The following SCLT1 variants were observed in gnomAD, a reference collection of about 807,000 sequenced individuals.
SCLT1 encodes the protein sodium channel-associated protein 1.
Under a neutral mutation model 112.8 loss-of-function variants are expected in SCLT1, and 78 were observed. That is an observed-to-expected ratio of 0.69 (90% CI 0.58 to 0.83). The LOEUF is 0.83. SCLT1 is among the 40% of genes least tolerant of loss of function. SCLT1 has a pLI of 0.00. For synonymous variants in SCLT1, 257 were observed against 254.7 expected (o/e 1.01, Z -0.09); for missense variants, 747 against 770.4 (o/e 0.97, Z 0.36).
rs537851601 is a variant in SCLT1, at chr4:129,015,347, A to T, written c.291-11471T>A. Among the ~76,000 whole-genome samples, 23 of 152,252 alleles carry T rather than the reference A, an allele frequency of 1.5e-4. No homozygotes were observed. In the East Asian group the frequency reaches 4.3e-3, roughly 28 times the overall value. On this transcript the variant is annotated intron_variant, in intron 5 of 20. Transcript: ENST00000281142. ...GATCTCTGCAAGTCAGGCACGGTCC[A>T]CTAGCACACAAGCTATGATGTGGCT... is the stretch of plus-strand genomic sequence containing the variant.
At chr4:128,941,382 A>G (rs1466340857) in intron 17 of SCLT1, among the ~76,000 whole-genome samples, 1 of 151,976 alleles carries the variant, frequency 6.6e-6, no homozygotes, top group African/African-American at 2.4e-5. Context: ...TTGTAGTTTT[A>G]ATTTAAATTC....
chr4:128,952,517 G>A, intron 14 of SCLT1: 1 of 551,440 alleles, frequency 1.8e-6, no homozygotes, highest in East Asian at 3.7e-5. Flanking sequence ...GCTAGCAATA[G>A]CATCCTGTGC....
rs573909516 is a variant in SCLT1, at chr4:129,033,828, A to G, written c.290+5213T>C. On this transcript the variant is annotated intron_variant, in intron 5 of 20. Coordinates refer to ENST00000281142, the MANE Select transcript of SCLT1 (RefSeq NM_144643.4). ...GAAGTTTGATGAGAGGTCTATACAT[A>G]CATAAATACCAAAACATAAACTCAA... 2.0e-5 allele frequency among the ~76,000 whole-genome samples: 3 copies of G among 152,312 alleles called. No homozygotes were observed. In the South Asian group the frequency reaches 6.2e-4, roughly 32 times the overall value.
intron 2 of SCLT1, among the ~76,000 whole-genome samples, 155 bp from the exon 3 acceptor site, chr4:129,044,206 C>T (rs1450752536): frequency 6.6e-6 from 1 of 151,922 alleles, no homozygotes; most frequent in South Asian, 2.1e-4. Context: ...TCAATTTATA[C>T]TGAAATGCAT....
intron 15 of SCLT1, 72 bp downstream of exon 15, chr4:128,948,424 G>T: frequency 6.6e-7 from 1 of 1,523,210 alleles, no homozygotes; most frequent in Non-Finnish European, 8.8e-7. Context: ...TAGATGGCAT[G>T]ATGGAGGCAG....
chr4:128,947,770 G>A (rs1035768962), intron 15 of SCLT1, among the ~76,000 whole-genome samples: 6 of 152,026 alleles, frequency 3.9e-5, no homozygotes, highest in Non-Finnish European at 7.4e-5. Flanking sequence ...GAAATATCAC[G>A]GGGGTAAATA....
chr4:128,905,704 C>T (rs1377616684), intron 18 of SCLT1, among the ~76,000 whole-genome samples: 1 of 152,152 alleles, frequency 6.6e-6, no homozygotes, highest in African/African-American at 2.4e-5. Context: ...AACACTGGAC[C>T]TTTACACTTG....
intron 18 of SCLT1, among the ~76,000 whole-genome samples, chr4:128,891,646 T>G (rs1034510001): frequency 6.8e-6 from 1 of 146,432 alleles, no homozygotes. Context: ...TAATATGCTT[T>G]TTTTTTTTTT....
chr4:129,018,675 TAA>T (rs751839364), intron 5 of SCLT1, among the ~76,000 whole-genome samples: 8 of 152,156 alleles, frequency 5.3e-5, no homozygotes, highest in Non-Finnish European at 8.8e-5. Flanking sequence ...TCGCTCAAAG[TAA>T]AGACCTTGGC....
chr4:128,895,797 G>A (rs1022385893), intron 18 of SCLT1, among the ~76,000 whole-genome samples: 1 of 152,212 alleles, frequency 6.6e-6, no homozygotes, highest in African/African-American at 2.4e-5. Context: ...TCAAAGAAAG[G>A]GGTGACAGAC....
intron 5 of SCLT1, among the ~76,000 whole-genome samples, chr4:129,023,506 G>A (rs1055752767): frequency 6.6e-6 from 1 of 152,226 alleles, no homozygotes; most frequent in Non-Finnish European, 1.5e-5. Flanking sequence ...CCTAGTCTCT[G>A]ATAAAACAGA....
chr4:129,059,552 C>T (rs1303010020), intron 2 of SCLT1, among the ~76,000 whole-genome samples: 1 of 152,156 alleles, frequency 6.6e-6, no homozygotes, highest in Non-Finnish European at 1.5e-5. Flanking sequence ...ATAGAGTGGT[C>T]ATGAATTTTC....
At chr4:129,071,065 T>C (rs1750961369) in intron 2 of SCLT1, among the ~76,000 whole-genome samples, 1 of 152,182 alleles carries the variant, frequency 6.6e-6, no homozygotes, top group African/African-American at 2.4e-5. Flanking sequence ...CTTACTTAAT[T>C]TCCATGTATT....
intron 18 of SCLT1, among the ~76,000 whole-genome samples, chr4:128,931,360 A>G (rs1736746644): frequency 6.6e-6 from 1 of 152,230 alleles, no homozygotes. Context: ...TTTCTTTCTT[A>G]GATTTCAGCA....
Position 128,898,802 on chromosome 4 carries a change from G to C in SCLT1, c.1830-7665C>G, listed in dbSNP as rs537860440. Among the ~76,000 whole-genome samples, 520 of 152,174 alleles carry C rather than the reference G, an allele frequency of 3.4e-3. 4 individuals carry two copies. Among genetic ancestry groups the C allele is most frequent in the Non-Finnish European group, 5.8e-3 (397 of 68,002 alleles). ...CAAGACTAATGAAGAAGAAAACAGA[G>C]AAGAATCAAATAGACGCAATAAAAA... On this transcript the variant is annotated intron_variant, in intron 18 of 20. Transcript: ENST00000281142.
intron 5 of SCLT1, among the ~76,000 whole-genome samples, chr4:129,032,728 A>T (rs967448273): frequency 6.6e-6 from 1 of 151,830 alleles, no homozygotes; most frequent in East Asian, 1.9e-4. Flanking sequence ...ACAAACATGA[A>T]AAAAAGCTCA....
chr4:129,082,920 G>A (rs754916547), intron 1 of SCLT1, among the ~76,000 whole-genome samples: 7 of 151,974 alleles, frequency 4.6e-5, no homozygotes, highest in East Asian at 1.9e-4. Flanking sequence ...GCCCAGGCCC[G>A]GTGACTCATG....
chr4:129,013,953 T>C (rs965439674), intron 5 of SCLT1, among the ~76,000 whole-genome samples: 1 of 152,216 alleles, frequency 6.6e-6, no homozygotes, highest in Non-Finnish European at 1.5e-5. Flanking sequence ...CTATGAGTCA[T>C]AGATTTGGTC....
chr4:129,042,158 T>G (rs1364080994), intron 4 of SCLT1, among the ~76,000 whole-genome samples: 2 of 152,192 alleles, frequency 1.3e-5, no homozygotes, highest in Non-Finnish European at 2.9e-5. Flanking sequence ...CTAAACCAAA[T>G]CCAATCATGA....
Sources: allele counts gnomAD v4.1 joint callset (sites outside exome capture counted in the v4.1 genomes callset), GRCh38; gene constraint gnomAD v4.1.1; transcripts MANE v1.5; gene names NCBI Gene and HGNC (gene_info 2026-07-23, HGNC 2026-07-21).